SGCZ: variants seen among roughly 807,000 people sequenced by gnomAD.
SGCZ encodes zeta-sarcoglycan.
A neutral mutation model predicts 41.3 loss-of-function variants in SGCZ; 40 were observed. The observed-to-expected ratio is 0.97, with a 90% CI of 0.75 to 1.26. The LOEUF (loss-of-function observed/expected upper bound fraction) is 1.26, where lower values mean the gene tolerates loss of function less well. SGCZ is among the 50% of genes most tolerant of loss of function. The pLI is 0.00. For synonymous variants in SGCZ, 206 were observed against 137.5 expected, an observed-to-expected ratio of 1.50 and a Z score of -3.49; for missense variants, 552 against 369.8, an observed-to-expected ratio of 1.49 and a Z score of -4.04.
At chr8:14,637,682 A>G (rs375538294) in intron 1 of SGCZ, among the ~76,000 whole-genome samples, 1 of 151,840 alleles carries the variant, frequency 6.6e-6, no homozygotes, top group Non-Finnish European at 1.5e-5. Flanking sequence ...ATAACATTCC[A>G]TGGTGTACAT....
chr8:14,853,415 T>C (rs1803414224), intron 1 of SGCZ: 1 of 527,388 alleles, frequency 1.9e-6, no homozygotes, highest in South Asian at 1.4e-5. Context: ...CAAGGTCTCA[T>C]GAGGTAAAGG....
At chr8:14,638,746 T>C (rs2117420122) in intron 1 of SGCZ, among the ~76,000 whole-genome samples, 1 of 152,000 alleles carries the variant, frequency 6.6e-6, no homozygotes, top group Non-Finnish European at 1.5e-5. Context: ...CAATCCTTTA[T>C]TGTGCTCCTA....
At chr8:14,454,529 T>C (rs559111584) in intron 2 of SGCZ, among the ~76,000 whole-genome samples, 14 of 152,104 alleles carry the variant, frequency 9.2e-5, no homozygotes, top group African/African-American at 3.1e-4. Flanking sequence ...ATAATCTATA[T>C]TAGGGAGTTA....
chr8:14,777,913 AG>A, intron 1 of SGCZ, among the ~76,000 whole-genome samples: 1 of 150,226 alleles, frequency 6.7e-6, no homozygotes, highest in Middle Eastern at 3.5e-3. Flanking sequence ...AAAAAAAAAA[AG>A]GAATAAGAAC....
chr8:14,233,815 T>C (rs1488908830), intron 4 of SGCZ, among the ~76,000 whole-genome samples: 1 of 151,816 alleles, frequency 6.6e-6, no homozygotes, highest in Admixed American at 6.6e-5. Context: ...ATAATAATTA[T>C]AGATTAAATA....
chr8:14,514,648 T>G, intron 2 of SGCZ, among the ~76,000 whole-genome samples: 1 of 149,698 alleles, frequency 6.7e-6, no homozygotes, highest in South Asian at 2.1e-4. Flanking sequence ...AGCTTAAATA[T>G]TTTGGACTTT....
chr8:14,852,092 A>G lies in SGCZ; in HGVS notation c.40-297166T>C, dbSNP rs532091844. On this transcript the variant is annotated intron_variant, in intron 1 of 7. Transcript: ENST00000382080. ...TTAAGTTAGTACACTGTTGGTCCCT[A>G]AACTTCTTTGATCAAATTATTATTT... Among the ~76,000 whole-genome samples the G allele has an allele frequency of 3.9e-5, 6 of 152,244 alleles. No homozygotes were observed. The East Asian group carries it at 1.2e-3, about 29-fold the overall frequency.
At chr8:14,897,075 C>G (rs1386079426) in intron 1 of SGCZ, among the ~76,000 whole-genome samples, 1 of 152,098 alleles carries the variant, frequency 6.6e-6, no homozygotes, top group Non-Finnish European at 1.5e-5. Context: ...AGCCACCGTG[C>G]CTGGCCCTGG....
At chr8:15,135,386 A>G (rs948689341) in intron 1 of SGCZ, among the ~76,000 whole-genome samples, 1 of 152,222 alleles carries the variant, frequency 6.6e-6, no homozygotes, top group Non-Finnish European at 1.5e-5. Context: ...AGAGAGCTAC[A>G]GAATGATGTT....
At chr8:14,938,632 A>T (rs1181191000) in intron 1 of SGCZ, among the ~76,000 whole-genome samples, 1 of 152,094 alleles carries the variant, frequency 6.6e-6, no homozygotes, top group Non-Finnish European at 1.5e-5. Context: ...AATTTTGGGG[A>T]AGTTAAAAGT....
At chr8:15,078,570 C>T (rs776967394) in intron 1 of SGCZ, among the ~76,000 whole-genome samples, 12 of 151,904 alleles carry the variant, frequency 7.9e-5, no homozygotes, top group Non-Finnish European at 1.5e-4. Flanking sequence ...ATTTTGAGTC[C>T]ATTGGTGAGT....
intron 1 of SGCZ, among the ~76,000 whole-genome samples, chr8:15,118,660 C>T (rs1236819797): frequency 6.6e-6 from 1 of 151,980 alleles, no homozygotes; most frequent in African/African-American, 2.4e-5. Context: ...AGGTTGAGAC[C>T]CTCTGATCAG....
At chr8:15,092,557 GA>G (rs1262715267) in intron 1 of SGCZ, among the ~76,000 whole-genome samples, 1 of 152,116 alleles carries the variant, frequency 6.6e-6, no homozygotes, top group African/African-American at 2.4e-5. Context: ...TGTACAAGGA[GA>G]AAGAAAATAA....
In SGCZ at chr8:14,144,493, G is replaced by A. The variant is rs952036953; in HGVS notation, c.547+20087C>T. On this transcript the variant is annotated intron_variant, in intron 5 of 7. Transcript: ENST00000382080. The stretch of plus-strand genomic sequence containing the variant: ...TAGCAATACCCAGGAACTATGTTGA[G>A]GGCATTGGGTGAGATGTTGAGACAT... Among the ~76,000 whole-genome samples the A allele has an allele frequency of 3.9e-5, 6 of 152,180 alleles. No homozygotes were observed. In the East Asian group the frequency reaches 1.2e-3, roughly 29 times the overall value.
intron 1 of SGCZ, among the ~76,000 whole-genome samples, chr8:15,212,185 C>T (rs1017977129): frequency 1.3e-5 from 2 of 152,150 alleles, no homozygotes. Context: ...TCTCAAGGAG[C>T]TCCTTAAATC....
chr8:14,676,916 C>A (rs1439778754), intron 1 of SGCZ, among the ~76,000 whole-genome samples: 2 of 152,022 alleles, frequency 1.3e-5, no homozygotes, highest in Non-Finnish European at 2.9e-5. Flanking sequence ...GGTAAGGATG[C>A]CTCTTCTCGT....
chr8:14,449,570 A>T (rs1465861953), intron 2 of SGCZ, among the ~76,000 whole-genome samples: 1 of 152,082 alleles, frequency 6.6e-6, no homozygotes, highest in African/African-American at 2.4e-5. Context: ...AGGTCAGTTC[A>T]TTGAGTCTGT....
At chr8:15,082,589 G>A (rs1429075248) in intron 1 of SGCZ, among the ~76,000 whole-genome samples, 1 of 151,996 alleles carries the variant, frequency 6.6e-6, no homozygotes, top group African/African-American at 2.4e-5. Context: ...TGTACACTGG[G>A]ACACATGGCA....
chr8:14,988,689 T>TTA, intron 1 of SGCZ, among the ~76,000 whole-genome samples: 1 of 152,292 alleles, frequency 6.6e-6, no homozygotes, highest in African/African-American at 2.4e-5. Context: ...AAAAACGTTA[T>TTA]TATATATATT....
Sources: gnomAD v4.1 joint callset for allele counts (sites outside exome capture counted in the v4.1 genomes callset) on GRCh38, gnomAD v4.1.1 for gene constraint, MANE v1.5 for transcripts, NCBI Gene and HGNC (gene_info 2026-07-23, HGNC 2026-07-21) for gene names.